The following VAV2 variants were observed in gnomAD, a reference collection of about 807,000 sequenced individuals.
VAV2 encodes the protein vav guanine nucleotide exchange factor 2, also known as guanine nucleotide exchange factor VAV2.
In VAV2, 67 loss-of-function variants were observed where a neutral mutation model predicts 132.5. The observed-to-expected ratio is 0.51, with a 90% CI of 0.42 to 0.62. The LOEUF (loss-of-function observed/expected upper bound fraction) is 0.62, where lower values mean the gene tolerates loss of function less well. Among genes scored for constraint, VAV2 ranks in the 20% least tolerant of loss-of-function variants. The pLI is 0.00. For missense variants in VAV2, 938 were observed against 1,153.6 expected (o/e 0.81, Z 2.71); for synonymous variants, 492 against 443.5 (o/e 1.11, Z -1.37).
chr9:133,805,451 C>T (rs1273973010), intron 9 of VAV2, among the ~76,000 whole-genome samples: 1 of 152,148 alleles, frequency 6.6e-6, no homozygotes, highest in African/African-American at 2.4e-5. Flanking sequence ...CTGGAAACGC[C>T]ATCTCCCCAG....
intron 2 of VAV2, among the ~76,000 whole-genome samples, chr9:133,871,404 G>A (rs1364172831): frequency 2.8e-5 from 3 of 107,190 alleles, no homozygotes; most frequent in African/African-American, 9.8e-5. Flanking sequence ...ATGGACGGAC[G>A]GATGGATGGA....
chr9:133,797,436 A>C (rs1254550830), intron 10 of VAV2, among the ~76,000 whole-genome samples: 6 of 152,164 alleles, frequency 3.9e-5, no homozygotes, highest in Non-Finnish European at 8.8e-5. Flanking sequence ...ATCAGGGGTC[A>C]GCCAGAGCCC....
chr9:133,985,165 G>C (rs1471923341), intron 1 of VAV2, among the ~76,000 whole-genome samples: 1 of 151,888 alleles, frequency 6.6e-6, no homozygotes, highest in Non-Finnish European at 1.5e-5. Context: ...TGAACACTGA[G>C]AGTGCCTGGA....
At chr9:133,930,398 A>ACCCTGCCTCCTGGCCTC (rs1196959696) in intron 2 of VAV2, among the ~76,000 whole-genome samples, 2 of 147,672 alleles carry the variant, frequency 1.4e-5, no homozygotes, top group African/African-American at 5.1e-5. Context: ...CCTGGCCTCC[A>ACCCTGCCTCCTGGCCTC]CACTGGCTCC....
intron 2 of VAV2, among the ~76,000 whole-genome samples, chr9:133,862,120 C>A (rs937895573): frequency 6.6e-6 from 1 of 152,242 alleles, no homozygotes; most frequent in Non-Finnish European, 1.5e-5. Context: ...GAAGCAGTAG[C>A]CGCTCCTCCT....
At chr9:133,941,625 G>A (rs1427129348) in intron 1 of VAV2, among the ~76,000 whole-genome samples, 3 of 141,018 alleles carry the variant, frequency 2.1e-5, no homozygotes, top group Admixed American at 7.2e-5. Flanking sequence ...GGGGGGGGAC[G>A]GAATTTCGCC....
chr9:133,901,424 C>T (rs547149825), intron 2 of VAV2, among the ~76,000 whole-genome samples: 3 of 152,370 alleles, frequency 2.0e-5, no homozygotes, highest in Admixed American at 1.3e-4. Context: ...GAGGCAGGGT[C>T]TGTGTCCTCC....
chr9:133,956,079 C>T (rs1057507861), intron 1 of VAV2, among the ~76,000 whole-genome samples: 8 of 151,978 alleles, frequency 5.3e-5, no homozygotes, highest in Admixed American at 1.3e-4. Flanking sequence ...TCCCAGGTGA[C>T]GCTGGACAAG....
At chr9:133,975,021 A>G (rs1212818809) in intron 1 of VAV2, among the ~76,000 whole-genome samples, 2 of 152,222 alleles carry the variant, frequency 1.3e-5, no homozygotes, top group Non-Finnish European at 2.9e-5. Context: ...CATGGCCCAG[A>G]GCGAGTGTGG....
At chr9:133,780,048 G>A (rs753964736) in intron 20 of VAV2, 109 bp from the exon 21 acceptor site, 4 of 1,485,004 alleles carry the variant, frequency 2.7e-6, no homozygotes, top group Non-Finnish European at 3.7e-6. Context: ...CTAGATAGAG[G>A]GGTCAAGGCA....
In VAV2 at chr9:133,928,807, T is replaced by A. The variant is rs754949439; in HGVS notation, c.321+10296A>T. On this transcript the variant is annotated intron_variant, in intron 2 of 29. Transcript: ENST00000371850. This position sits in a 1 kb window ranked among gnomAD's most constrained non-coding sequence, Gnocchi z 5.4. ...GGCTGAGACGGCATCTGGATACACTTGTCCAGCCCCAGACGCAGGGCAGGT... is the reference window on the plus strand; with the variant it reads ...GGCTGAGACGGCATCTGGATACACTAGTCCAGCCCCAGACGCAGGGCAGGT... Among the ~76,000 whole-genome samples, 13 of 152,172 alleles carry A rather than the reference T, an allele frequency of 8.5e-5. No individual in the cohort carries two copies. The highest frequency in any genetic ancestry group is 1.3e-4 in the Non-Finnish European group (9 of 68,036).
intron 9 of VAV2, among the ~76,000 whole-genome samples, chr9:133,803,773 C>T (rs1049248684): frequency 1.3e-5 from 2 of 152,204 alleles, no homozygotes; most frequent in African/African-American, 4.8e-5. Flanking sequence ...GCAGCTTCCT[C>T]GTGCCCTCGC....
chr9:133,840,361 C>G lies in VAV2; in HGVS notation c.381-6021G>C, dbSNP rs371857531. Among the ~76,000 whole-genome samples the G allele has an allele frequency of 2.8e-4, 43 of 152,194 alleles. No homozygotes were observed. The highest frequency in any genetic ancestry group is 9.1e-4 in the African/African-American group (38 of 41,532). ...CAGCAGAGCCCGCGTTGGGCAGCAGCCCCTCCTCCCAAACGACCCATCCAA... is the reference window on the plus strand; with the variant it reads ...CAGCAGAGCCCGCGTTGGGCAGCAGGCCCTCCTCCCAAACGACCCATCCAA... On this transcript the variant is annotated intron_variant, in intron 3 of 29. Coordinates refer to ENST00000371850, the MANE Select transcript of VAV2 (RefSeq NM_001134398.2). This position sits in a 1 kb window ranked among gnomAD's most constrained non-coding sequence, Gnocchi z 4.5.
chr9:133,840,213 G>C lies in VAV2; in HGVS notation c.381-5873C>G, dbSNP rs2131806426. ...CCTCTCCTCCCACCAGAGCCTTCCTGAGCATGCATTTCCTCGTGCCCGGCT... is the reference window on the plus strand; with the variant it reads ...CCTCTCCTCCCACCAGAGCCTTCCTCAGCATGCATTTCCTCGTGCCCGGCT... On this transcript the variant is annotated intron_variant, in intron 3 of 29. Coordinates refer to ENST00000371850, the MANE Select transcript of VAV2 (RefSeq NM_001134398.2). This position sits in a 1 kb window ranked among gnomAD's most constrained non-coding sequence, Gnocchi z 4.5. 6.6e-6 allele frequency among the ~76,000 whole-genome samples: 1 copy of C among 152,324 alleles called. No individual in the cohort carries two copies. Among genetic ancestry groups the C allele is most frequent in the East Asian group, 1.9e-4 (1 of 5,190 alleles).
At chr9:133,813,197 G>A (rs143046409) in intron 4 of VAV2, among the ~76,000 whole-genome samples, 1 of 152,330 alleles carries the variant, frequency 6.6e-6, no homozygotes, top group East Asian at 1.9e-4. Context: ...AGTCCTGCAA[G>A]CCCTCACCCC....
At chr9:133,858,184 C>G (rs1445803004) in intron 3 of VAV2, among the ~76,000 whole-genome samples, 1 of 152,164 alleles carries the variant, frequency 6.6e-6, no homozygotes, top group Non-Finnish European at 1.5e-5. Flanking sequence ...ATACCTGAGG[C>G]GTTGGGCCAC....
chr9:133,777,389 C>T lies in VAV2; in HGVS notation c.1965G>A (p.Arg655=), dbSNP rs760505947. The T allele has an allele frequency of 1.2e-6, 2 of 1,613,608 alleles. No individual in the cohort carries two copies. The highest frequency in any genetic ancestry group is 1.3e-5 in the African/African-American group (1 of 74,918). The change falls in exon 23 of 30, where the codon AGG becomes AGA. Residue 655 remains arginine, a splice_region_variant and synonymous_variant. Transcript: ENST00000371850. ...SSVKPCPVDG[R]PPISRPPSRE... ...GAAGCTTCTGTGGGAAAGGACTCAC[C>T]CTTCCATCCACAGGGCAGGGCTTCA...
At chr9:133,956,646 G>A (rs1040820407) in intron 1 of VAV2, among the ~76,000 whole-genome samples, 6 of 152,214 alleles carry the variant, frequency 3.9e-5, no homozygotes, top group Non-Finnish European at 8.8e-5. Flanking sequence ...TGTACTTTCT[G>A]GAAATTCCAG....
intron 2 of VAV2, among the ~76,000 whole-genome samples, chr9:133,882,695 C>T (rs988002961): frequency 6.6e-6 from 1 of 152,108 alleles, no homozygotes; most frequent in African/African-American, 2.4e-5. Context: ...GCACCAGGTC[C>T]GTGATACTTG....
Sources: allele counts gnomAD v4.1 joint callset (sites outside exome capture counted in the v4.1 genomes callset), GRCh38; gene constraint gnomAD v4.1.1; non-coding constraint Gnocchi (gnomAD v3.1); transcripts MANE v1.5; gene names NCBI Gene and HGNC (gene_info 2026-07-23, HGNC 2026-07-21).